Variants in MYO9A observed in about 807,000 individuals in gnomAD.
MYO9A encodes the protein myosin IXA, also known as unconventional myosin-IXa.
MYO9A carries 103 observed loss-of-function variants against 293.3 expected under a neutral mutation model. The ratio of observed to expected loss-of-function variants is 0.35; its 90% confidence interval spans 0.30 to 0.41. MYO9A has a LOEUF of 0.41. Ranked by LOEUF, MYO9A falls within the 10% of genes least tolerant of loss-of-function variation. The pLI is 1.00. For missense variants in MYO9A, 2,685 were observed against 3,033.0 expected, an observed-to-expected ratio of 0.89 and a Z score of 2.69; for synonymous variants, 1,001 against 1,035.7, an observed-to-expected ratio of 0.97 and a Z score of 0.64.
At chr15:71,935,313 A>G (rs1226458317) in intron 17 of MYO9A, 28 bp downstream of exon 17, 4 of 1,525,438 alleles carry the variant, frequency 2.6e-6, no homozygotes, top group Non-Finnish European at 3.5e-6. Context: ...AAAACAAAAA[A>G]CAATTTACAT....
intron 2 of MYO9A, among the ~76,000 whole-genome samples, chr15:72,042,033 G>C (rs1269207878): frequency 2.0e-5 from 3 of 146,680 alleles, no homozygotes; most frequent in Non-Finnish European, 4.5e-5. Context: ...AAAAAAACCA[G>C]TTCTACACAA....
At chr15:72,044,197 G>C (rs990900537) in intron 2 of MYO9A, among the ~76,000 whole-genome samples, 2 of 151,784 alleles carry the variant, frequency 1.3e-5, no homozygotes, top group African/African-American at 2.4e-5. Context: ...ACCTGAGGTT[G>C]GGAGTTCAAG....
intron 1 of MYO9A, among the ~76,000 whole-genome samples, chr15:72,066,381 G>A (rs1454172291): frequency 6.6e-6 from 1 of 151,894 alleles, no homozygotes; most frequent in Non-Finnish European, 1.5e-5. Flanking sequence ...AGCTACTCAG[G>A]AGGCTGAGGC....
chr15:71,993,949 C>T (rs997677613), intron 10 of MYO9A, among the ~76,000 whole-genome samples: 7 of 92,248 alleles, frequency 7.6e-5, no homozygotes, highest in East Asian at 7.1e-4. Flanking sequence ...AGCAAGACAC[C>T]GTCTCAAAAA....
At chr15:71,938,103 C>T (rs926023072) in intron 16 of MYO9A, among the ~76,000 whole-genome samples, 2 of 151,958 alleles carry the variant, frequency 1.3e-5, no homozygotes, top group Admixed American at 1.3e-4. Flanking sequence ...TTTAAATAAG[C>T]AATAAAGAGT....
intron 10 of MYO9A, among the ~76,000 whole-genome samples, chr15:71,993,243 G>A (rs1428105319): frequency 2.0e-5 from 3 of 152,040 alleles, no homozygotes; most frequent in Admixed American, 6.5e-5. Context: ...CCAGGTACTT[G>A]GGAGGCTGAG....
At chr15:71,912,401 G>A (rs1032420003) in intron 19 of MYO9A, among the ~76,000 whole-genome samples, 14 of 151,886 alleles carry the variant, frequency 9.2e-5, no homozygotes, top group African/African-American at 2.4e-4. Context: ...GATTACAGGC[G>A]CCCATCGCCA....
intron 18 of MYO9A, among the ~76,000 whole-genome samples, chr15:71,927,957 A>G (rs1415023958): frequency 7.7e-6 from 1 of 130,370 alleles, no homozygotes; most frequent in African/African-American, 2.9e-5. Context: ...TGAGCTTTTA[A>G]TACTTTTCCA....
At chr15:72,026,459 T>A (rs148381325) in intron 4 of MYO9A, among the ~76,000 whole-genome samples, 94 of 151,486 alleles carry the variant, frequency 6.2e-4, no homozygotes, top group Non-Finnish European at 1.1e-3. Context: ...GTTGAAGCAG[T>A]GCTTAGAGGG....
chr15:72,101,893 G>A (rs909837913), intron 1 of MYO9A, among the ~76,000 whole-genome samples: 6 of 151,950 alleles, frequency 3.9e-5, no homozygotes, highest in African/African-American at 9.7e-5. Flanking sequence ...ACCGGCCAGC[G>A]GCCCCGCCCG....
chr15:71,972,901 G>C (rs2076050679), intron 12 of MYO9A, among the ~76,000 whole-genome samples: 1 of 151,968 alleles, frequency 6.6e-6, no homozygotes, highest in Non-Finnish European at 1.5e-5. Context: ...AACTCCTGGG[G>C]AATTGGTTCA....
intron 26 of MYO9A, chr15:71,891,903 C>T (rs1462053524): frequency 6.6e-6 from 1 of 152,012 alleles, no homozygotes; most frequent in African/African-American, 2.4e-5. Context: ...TAAAACAGTT[C>T]AAAGATAGAA....
At chr15:72,016,454 T>C (rs2077341906) in intron 6 of MYO9A, among the ~76,000 whole-genome samples, 2 of 152,176 alleles carry the variant, frequency 1.3e-5, no homozygotes, top group Admixed American at 1.3e-4. Context: ...AAAAGCAATT[T>C]TCTAACTATA....
intron 27 of MYO9A, among the ~76,000 whole-genome samples, chr15:71,884,995 A>G (rs1277981091): frequency 6.7e-6 from 1 of 150,056 alleles, no homozygotes; most frequent in African/African-American, 2.4e-5. Flanking sequence ...GCTTATTACT[A>G]AACTCATATA....
At chr15:71,967,895 C>T in intron 13 of MYO9A, 89 bp downstream of exon 13, 1 of 1,288,178 alleles carries the variant, frequency 7.8e-7, no homozygotes, top group Non-Finnish European at 1.0e-6. Flanking sequence ...GATCAAAAGC[C>T]TCCACAAACT....
Position 71,825,995 on chromosome 15 carries a change from G to GTTTTGTTTTTTTTTTTTTTTTTTTTT in MYO9A, c.*584_*585insAAAAAAAAAAAAAAAAAAAAACAAAA. On this transcript the variant is annotated 3_prime_UTR_variant, in exon 42 of 42. Transcript: ENST00000356056. ...ATGGAAACAATCACGGTTTTTTTTT[G>GTTTTGTTTTTTTTTTTTTTTTTTTTT]TTTTTTTTTTTTTGTTTTTTTTTTT... is the stretch of plus-strand genomic sequence containing the variant. The GTTTTGTTTTTTTTTTTTTTTTTTTTT allele has an allele frequency of 1.1e-5, 1 of 91,526 alleles. No individual in the cohort carries two copies. The highest frequency in any genetic ancestry group is 4.4e-5 in the African/African-American group (1 of 22,704). 5.7% of individuals were successfully genotyped at this position (91,526 alleles called of 1,614,324 possible).
chr15:71,967,287 G>A (rs1464721705), intron 13 of MYO9A, among the ~76,000 whole-genome samples: 1 of 152,104 alleles, frequency 6.6e-6, no homozygotes, highest in Non-Finnish European at 1.5e-5. Flanking sequence ...GACTACATCT[G>A]TCTAGTTTAT....
chr15:71,901,177 C>A lies in MYO9A; in HGVS notation c.3150+14G>T. The A allele has an allele frequency of 6.2e-7, 1 of 1,601,830 alleles. No homozygotes were observed. The highest frequency in any genetic ancestry group is 8.5e-7 in the Non-Finnish European group (1 of 1,175,790). On this transcript the variant is annotated intron_variant, in intron 23 of 41. Transcript: ENST00000356056. ...AACTAGTCAATCTCATGCAAAGAAT[C>A]CTTTGCTTCTCACCTGGATAATAAC...
intron 26 of MYO9A, chr15:71,893,016 C>A (rs2057223542): frequency 7.8e-7 from 1 of 1,289,784 alleles, no homozygotes; most frequent in South Asian, 1.2e-5. Flanking sequence ...CAGGCCCTAG[C>A]TCACAGTGAG....
Sources: allele counts gnomAD v4.1 joint callset (sites outside exome capture counted in the v4.1 genomes callset), GRCh38; gene constraint gnomAD v4.1.1; transcripts MANE v1.5; gene names NCBI Gene and HGNC (gene_info 2026-07-23, HGNC 2026-07-21).